WDR19: variants seen among roughly 807,000 people sequenced by gnomAD.
WDR19 encodes WD repeat domain 19.
In WDR19, 121 loss-of-function variants were observed where a neutral mutation model predicts 180.0. That is an observed-to-expected ratio of 0.67 (90% confidence interval 0.58 to 0.78). The LOEUF (loss-of-function observed/expected upper bound fraction) is 0.78. Ranked by LOEUF, WDR19 falls within the 30% of genes least tolerant of loss-of-function variation. The pLI is 0.00. For synonymous variants in WDR19, 497 were observed against 540.7 expected (o/e 0.92, Z 1.12); for missense variants, 1,450 against 1,640.7 (o/e 0.88, Z 2.01).
chr4:39,270,062 A>G lies in WDR19; in HGVS notation c.3445A>G (p.Thr1149Ala). The G allele has an allele frequency of 1.9e-6, 3 of 1,613,922 alleles. No homozygotes were observed. Among genetic ancestry groups the G allele is most frequent in the Non-Finnish European group, 2.5e-6 (3 of 1,179,876 alleles). Residue 1149 changes from threonine (T) to alanine (A), a missense_variant, in exon 31 of 37, where the codon ACC becomes GCC. Thr to Ala is a moderately conservative substitution (Grantham distance 58). Coordinates refer to ENST00000399820, the MANE Select transcript of WDR19 (RefSeq NM_025132.4). Reference sequence around the variant, plus strand: ...GATCAAAATTCCCTCCGAGATGGCCACCAACCTCATGATTCTGCACAGCTA... The same window carrying G: ...GATCAAAATTCCCTCCGAGATGGCCGCCAACCTCATGATTCTGCACAGCTA... Reference protein sequence around the residue: ...QKIKIPSEMATNLMILHSYIL... With the variant: ...QKIKIPSEMAANLMILHSYIL...
rs369310189 is a variant in WDR19 at position 39,269,984 on chromosome 4, C to T, written c.3367C>T (p.Arg1123Trp). 22 of 1,613,468 alleles carry T rather than the reference C, an allele frequency of 1.4e-5. No homozygotes were observed. Among genetic ancestry groups the T allele is most frequent in the Middle Eastern group, 1.7e-4 (1 of 6,054 alleles). Residue 1123 changes from arginine to tryptophan, a missense_variant, in exon 31 of 37, where the codon CGG (arginine) becomes TGG (tryptophan). Coordinates refer to ENST00000399820, the MANE Select transcript of WDR19 (RefSeq NM_025132.4). ...TACCACCTTTTTTCAAGGCAACTAC[C>T]GGAATGCACACGATGTTCTCTTCAG... Reference protein sequence around the residue: ...AREEQSAGNYRNAHDVLFSMY... With the variant: ...AREEQSAGNYWNAHDVLFSMY...
At chr4:39,281,531 A>AT (rs1307406827) in intron 36 of WDR19, among the ~76,000 whole-genome samples, 10 of 150,586 alleles carry the variant, frequency 6.6e-5, no homozygotes, top group South Asian at 2.1e-4. Context: ...CCAATGTGTT[A>AT]TTTTTTTTTC....
At chr4:39,230,350 C>A (rs987287347) in intron 17 of WDR19, among the ~76,000 whole-genome samples, 1 of 152,180 alleles carries the variant, frequency 6.6e-6, no homozygotes, top group African/African-American at 2.4e-5. Context: ...CTCCAGGAAG[C>A]CTTCCCCGAC....
chr4:39,278,970 T>A (rs1310288442), intron 36 of WDR19, among the ~76,000 whole-genome samples: 3 of 152,018 alleles, frequency 2.0e-5, no homozygotes, highest in African/African-American at 4.8e-5. Context: ...TATTTTTTTT[T>A]AGGGTCTGTG....
chr4:39,194,477 T>A, intron 4 of WDR19, 67 bp from the exon 5 acceptor site: 1 of 1,027,056 alleles, frequency 9.7e-7, no homozygotes, highest in Non-Finnish European at 1.4e-6. Flanking sequence ...CAAGGAGTAC[T>A]TTTTTAAAGG....
At chr4:39,278,058 A>G in intron 34 of WDR19, 73 bp from the exon 35 acceptor site, 1 of 1,397,986 alleles carries the variant, frequency 7.2e-7, no homozygotes. Context: ...CGTCAAAAAA[A>G]AAAAAAAAAT....
chr4:39,254,009 G>T lies in WDR19; in HGVS notation c.2980G>T (p.Glu994Ter). The T allele has an allele frequency of 6.2e-7, 1 of 1,611,746 alleles. No individual in the cohort carries two copies. Among genetic ancestry groups the T allele is most frequent in the South Asian group, 1.1e-5 (1 of 90,858 alleles). ...ACTGGCTCAGCAACACAACAAAATG[G>T]AAATCTATGCAGATATTATTGGTAA... Reference protein sequence around the residue: ...FTLAQQHNKMEIYADIIGSED... With the variant: ...FTLAQQHNKM The change falls in exon 26 of 37, where the codon GAA becomes TAA. Residue 994 changes from glutamate to a stop codon, truncating the protein, a stop_gained. Coordinates refer to ENST00000399820, the MANE Select transcript of WDR19 (RefSeq NM_025132.4). LOFTEE classifies it high-confidence loss of function.
Position 39,268,063 on chromosome 4 carries a change from C to A in WDR19, c.3330C>A (p.Ile1110=). The A allele has an allele frequency of 6.3e-7, 1 of 1,598,690 alleles. No individual in the cohort carries two copies. Among genetic ancestry groups the A allele is most frequent in the Non-Finnish European group, 8.5e-7 (1 of 1,172,200 alleles). ...ACCGAGAAGCTGCCCAGACTGCCAT[C>A]ATCATTGCCAGAGAAGAGCAGTCTG... ...KQYREAAQTA[I]IIAREEQSAG... Residue 1110 remains isoleucine, a synonymous_variant, in exon 30 of 37, where the codon ATC becomes ATA. Coordinates refer to ENST00000399820, the MANE Select transcript of WDR19 (RefSeq NM_025132.4).
chr4:39,194,490 T>C, intron 4 of WDR19, 54 bp from the exon 5 acceptor site: 1 of 1,140,784 alleles, frequency 8.8e-7, no homozygotes, highest in Non-Finnish European at 1.2e-6. Flanking sequence ...TTTAAAGGAC[T>C]GTTTAGAGGT....
At chr4:39,250,214 A>G (rs960917054) in intron 24 of WDR19, among the ~76,000 whole-genome samples, 17 of 152,250 alleles carry the variant, frequency 1.1e-4, no homozygotes, top group Non-Finnish European at 2.1e-4. Flanking sequence ...ACGAAAATCA[A>G]TAAATGTAAT....
chr4:39,275,094 C>G (rs1735772709), intron 33 of WDR19, 136 bp downstream of exon 33: 2 of 1,087,242 alleles, frequency 1.8e-6, no homozygotes, highest in South Asian at 1.3e-5. Flanking sequence ...AATCCCAACA[C>G]TTTGGAAGGC....
intron 36 of WDR19, among the ~76,000 whole-genome samples, chr4:39,283,196 A>T (rs1736745249): frequency 6.6e-6 from 1 of 152,182 alleles, no homozygotes; most frequent in Admixed American, 6.5e-5. Flanking sequence ...CTATCAATTG[A>T]GATGATATGG....
rs139324626 is a variant in WDR19, at chr4:39,276,984, A to T, written c.3717-36A>T. On this transcript the variant is annotated intron_variant, in intron 33 of 36. Coordinates refer to ENST00000399820, the MANE Select transcript of WDR19 (RefSeq NM_025132.4). ...TTTGCCATCCCCGGTACATGAATAA[A>T]ACGGCATTTTTAAATGACATGATTC... 7.4e-6 allele frequency: 12 copies of T among 1,610,900 alleles called. No homozygotes were observed. In the East Asian group the frequency reaches 2.7e-4, roughly 36 times the overall value.
intron 36 of WDR19, among the ~76,000 whole-genome samples, chr4:39,283,167 T>G (rs948651662): frequency 6.6e-6 from 1 of 152,204 alleles, no homozygotes; most frequent in Admixed American, 6.5e-5. Context: ...TGTGACAAAT[T>G]TTGTCAAATG....
At chr4:39,281,232 T>TAGAGAGAGAGAGAG (rs542816951) in intron 36 of WDR19, among the ~76,000 whole-genome samples, 106 of 100,902 alleles carry the variant, frequency 1.1e-3, no homozygotes, top group East Asian at 1.6e-3. Flanking sequence ...TATATATATA[T>TAGAGAGAGAGAGAG]ATATAGAGAG....
At chr4:39,241,253 G>C (rs1048178948) in intron 21 of WDR19, among the ~76,000 whole-genome samples, 78 of 151,998 alleles carry the variant, frequency 5.1e-4, no homozygotes, top group African/African-American at 1.9e-3. Context: ...TAGCTAATTT[G>C]AAAAATCATC....
At chr4:39,280,141 T>TTTTTTTAA (rs368949539) in intron 36 of WDR19, among the ~76,000 whole-genome samples, 3 of 88,354 alleles carry the variant, frequency 3.4e-5, no homozygotes, top group Non-Finnish European at 4.4e-5. Flanking sequence ...TTTTTTTTTT[T>TTTTTTTAA]AATAGAGGCA....
At chr4:39,283,453 T>C (rs1308533916) in intron 36 of WDR19, among the ~76,000 whole-genome samples, 1 of 152,186 alleles carries the variant, frequency 6.6e-6, no homozygotes, top group Non-Finnish European at 1.5e-5. Context: ...TACTTGTTTT[T>C]TATTTGTCCT....
At chr4:39,281,080 T>C (rs894333120) in intron 36 of WDR19, among the ~76,000 whole-genome samples, 3 of 152,090 alleles carry the variant, frequency 2.0e-5, no homozygotes, top group African/African-American at 7.3e-5. Context: ...TTTGCAAATA[T>C]CACACTCTGT....
Sources: allele counts gnomAD v4.1 joint callset (sites outside exome capture counted in the v4.1 genomes callset), GRCh38; gene constraint gnomAD v4.1.1; transcripts MANE v1.5; gene names NCBI Gene and HGNC (gene_info 2026-07-23, HGNC 2026-07-21).